Variants in EDDM13 observed in about 807,000 individuals in gnomAD.
EDDM13 encodes the protein epididymal protein 13.
Under a neutral mutation model 17.8 loss-of-function variants are expected in EDDM13, and 24 were observed. The observed-to-expected ratio is 1.35, with a 90% CI of 0.98 to 1.90. The LOEUF is 1.90. Among genes scored for constraint, EDDM13 ranks in the 40% most tolerant of loss-of-function variants. EDDM13 has a pLI of 0.00. For synonymous variants in EDDM13, 31 were observed against 37.5 expected, an observed-to-expected ratio of 0.83 and a Z score of 0.63; for missense variants, 97 against 100.8, an observed-to-expected ratio of 0.96 and a Z score of 0.16.
intron 9 of EDDM13, among the ~76,000 whole-genome samples, chr19:56,291,872 T>C (rs2039531788): frequency 6.6e-6 from 1 of 152,204 alleles, no homozygotes; most frequent in South Asian, 2.1e-4. Flanking sequence ...AGGATGGTGA[T>C]GACAGTGATG....
rs140033282 is a variant in EDDM13 at position 56,303,793 on chromosome 19, C to T, written c.424-1000C>T. On this transcript the variant is annotated intron_variant, in intron 13 of 14. Transcript: ENST00000649256. ...ATCACAGAGTGAGCAGCCATGGCCACGGGCAGCCTTCCCCGGGCAGGTAAC... is the reference window on the plus strand; with the variant it reads ...ATCACAGAGTGAGCAGCCATGGCCATGGGCAGCCTTCCCCGGGCAGGTAAC... Among the ~76,000 whole-genome samples the T allele has an allele frequency of 6.4e-3, 941 of 146,608 alleles. 9 individuals carry two copies. Among genetic ancestry groups the T allele is most frequent in the African/African-American group, 0.022 (849 of 38,302 alleles).
At chr19:56,282,037 C>A (rs995763202) in intron 3 of EDDM13, among the ~76,000 whole-genome samples, 1 of 152,010 alleles carries the variant, frequency 6.6e-6, no homozygotes, top group African/African-American at 2.4e-5. Context: ...AATCTAGGGG[C>A]CTTTGCTCTA....
intron 14 of EDDM13, among the ~76,000 whole-genome samples, chr19:56,309,732 G>C (rs568775542): frequency 6.6e-6 from 1 of 152,192 alleles, no homozygotes; most frequent in Non-Finnish European, 1.5e-5. Flanking sequence ...CCTGCGGGGC[G>C]CGCCCTCTAG....
chr19:56,277,664 T>C (rs998352439), intron 2 of EDDM13, among the ~76,000 whole-genome samples: 2 of 152,060 alleles, frequency 1.3e-5, no homozygotes, highest in African/African-American at 4.8e-5. Flanking sequence ...AATGGGTGAA[T>C]TGCATGGTAT....
chr19:56,278,794 T>C (rs962374919), intron 2 of EDDM13, among the ~76,000 whole-genome samples: 1 of 152,098 alleles, frequency 6.6e-6, no homozygotes, highest in African/African-American at 2.4e-5. Context: ...GTTCAAGTCC[T>C]AGAATCCCAA....
intron 13 of EDDM13, among the ~76,000 whole-genome samples, chr19:56,304,499 A>C (rs572428386): frequency 1.3e-5 from 2 of 152,290 alleles, no homozygotes; most frequent in South Asian, 4.1e-4. Flanking sequence ...CGACAAAAAT[A>C]ACCCAGGTCA....
At chr19:56,292,665 A>G (rs541619456) in intron 9 of EDDM13, among the ~76,000 whole-genome samples, 3 of 152,000 alleles carry the variant, frequency 2.0e-5, no homozygotes, top group African/African-American at 7.2e-5. Context: ...TGACTCCAGA[A>G]CTTTATAATC....
At chr19:56,309,970 T>TGG (rs1339715378) in intron 14 of EDDM13, among the ~76,000 whole-genome samples, 154 bp from the exon 15 acceptor site, 1 of 151,402 alleles carries the variant, frequency 6.6e-6, no homozygotes, top group Non-Finnish European at 1.5e-5. Flanking sequence ...ACCTAGTGAG[T>TGG]GGGGAGAATG....
intron 3 of EDDM13, among the ~76,000 whole-genome samples, 173 bp downstream of exon 3, chr19:56,281,871 G>GGGT (rs1193749434): frequency 6.6e-6 from 1 of 152,202 alleles, no homozygotes; most frequent in African/African-American, 2.4e-5. Flanking sequence ...AGATTGCCCG[G>GGGT]GGTGGGAACG....
At chr19:56,278,973 C>T (rs2038472412) in intron 2 of EDDM13, among the ~76,000 whole-genome samples, 1 of 152,216 alleles carries the variant, frequency 6.6e-6, no homozygotes, top group Admixed American at 6.5e-5. Context: ...ACCTAGTCTT[C>T]CAACTCACAC....
At chr19:56,273,667 G>C (rs186075966) in intron 1 of EDDM13, among the ~76,000 whole-genome samples, 6 of 152,262 alleles carry the variant, frequency 3.9e-5, no homozygotes, top group Non-Finnish European at 2.9e-5. Flanking sequence ...CTCCATCAGA[G>C]AGAGGCCGGT....
Position 56,297,519 on chromosome 19 carries a change from T to C in EDDM13, c.283T>C (p.Cys95Arg). Reference protein sequence around the residue: ...LQVLHEETSGCKEEVKPFSGT... With the variant: ...LQVLHEETSGRKEEVKPFSGT... ...TTCATTTTTAGAAGAAACAAGTGGC[T>C]GCAAGGAGGAAGGTAAGTGCTTGGG... Residue 95 changes from cysteine to arginine, a missense_variant, in exon 12 of 15, where the codon TGC becomes CGC. Coordinates refer to ENST00000649256, the MANE Select transcript of EDDM13 (RefSeq NM_001354658.2). The C allele has an allele frequency of 1.0e-6, 1 of 985,328 alleles. No individual in the cohort carries two copies. The highest frequency in any genetic ancestry group is 1.2e-6 in the Non-Finnish European group (1 of 829,902). 61.0% of individuals were successfully genotyped at this position (985,328 alleles called of 1,614,324 possible). A position where few individuals can be genotyped will look rare whatever the true frequency, so the allele number is the denominator to read the frequency against.
chr19:56,281,012 TA>T (rs2038654843), intron 2 of EDDM13, among the ~76,000 whole-genome samples: 1 of 152,240 alleles, frequency 6.6e-6, no homozygotes, highest in Non-Finnish European at 1.5e-5. Context: ...TAACTACGAA[TA>T]GCCTACTGTT....
intron 11 of EDDM13, 42 bp from the exon 12 acceptor site, chr19:56,297,463 T>C (rs930965567): frequency 1.1e-6 from 1 of 930,912 alleles, no homozygotes; most frequent in Non-Finnish European, 1.3e-6. Context: ...TCTTCCTCCT[T>C]CTCTTCCTGC....
At chr19:56,287,536 A>G (rs925490500) in intron 6 of EDDM13, among the ~76,000 whole-genome samples, 4 of 152,138 alleles carry the variant, frequency 2.6e-5, no homozygotes, top group African/African-American at 9.7e-5. Flanking sequence ...TCTGTGCACC[A>G]GGAGCTTCCT....
chr19:56,279,050 C>T (rs1290416893), intron 2 of EDDM13, among the ~76,000 whole-genome samples: 1 of 152,118 alleles, frequency 6.6e-6, no homozygotes, highest in African/African-American at 2.4e-5. Flanking sequence ...AATCAAATGC[C>T]AAACCACTCA....
At chr19:56,277,846 A>G (rs2038380278) in intron 2 of EDDM13, among the ~76,000 whole-genome samples, 3 of 152,196 alleles carry the variant, frequency 2.0e-5, no homozygotes, top group Admixed American at 1.3e-4. Context: ...CCTAGACTTC[A>G]CCACTGCACA....
chr19:56,299,262 G>A (rs2040075624), intron 12 of EDDM13, among the ~76,000 whole-genome samples: 1 of 151,808 alleles, frequency 6.6e-6, no homozygotes, highest in Non-Finnish European at 1.5e-5. Context: ...CCTCTGAGTA[G>A]CTGGGACCAC....
At chr19:56,302,875 G>A in intron 13 of EDDM13, 1 of 398,750 alleles carries the variant, frequency 2.5e-6, no homozygotes. Flanking sequence ...GTTGCTGGTT[G>A]CTGGGGACTC....
Sources: gnomAD v4.1 joint callset for allele counts (sites outside exome capture counted in the v4.1 genomes callset) on GRCh38, gnomAD v4.1.1 for gene constraint, MANE v1.5 for transcripts, NCBI Gene and HGNC (gene_info 2026-07-23, HGNC 2026-07-21) for gene names.